Variants in ALMS1 observed in about 807,000 individuals in gnomAD.
ALMS1 encodes the protein centrosome-associated protein ALMS1.
In ALMS1, 271 loss-of-function variants were observed where a neutral mutation model predicts 352.2. That is an observed-to-expected ratio of 0.77 (90% CI 0.70 to 0.85). The LOEUF (loss-of-function observed/expected upper bound fraction) is 0.85, where lower values mean the gene tolerates loss of function less well. Among genes scored for constraint, ALMS1 ranks in the 40% least tolerant of loss-of-function variants. The pLI, the probability that ALMS1 is intolerant of heterozygous loss-of-function variation, is 0.00. For synonymous variants in ALMS1, 1,865 were observed against 1,761.2 expected, an observed-to-expected ratio of 1.06 and a Z score of -1.48; for missense variants, 5,445 against 4,870.7, an observed-to-expected ratio of 1.12 and a Z score of -3.51.
chr2:73,482,482 G>C (rs1479021334), intron 9 of ALMS1, among the ~76,000 whole-genome samples: 2 of 148,410 alleles, frequency 1.3e-5, no homozygotes, highest in Non-Finnish European at 3.1e-5. Context: ...CAGTTTGCCA[G>C]TATTTTATTG....
intron 10 of ALMS1, among the ~76,000 whole-genome samples, chr2:73,496,488 G>A (rs1469380044): frequency 6.6e-6 from 1 of 152,132 alleles, no homozygotes; most frequent in Non-Finnish European, 1.5e-5. Context: ...TTCACTCACT[G>A]AAGGATATTT....
chr2:73,545,265 C>A (rs572324208), intron 12 of ALMS1, among the ~76,000 whole-genome samples: 1 of 151,186 alleles, frequency 6.6e-6, no homozygotes. Flanking sequence ...ACTGCAGCCT[C>A]CGCCTCCCAG....
rs574374269 is a variant in ALMS1, at chr2:73,481,297, C to G, written c.7675-8337C>G. ...TCCAGTTTCAGCTTTCTACATATGG[C>G]TAGCCAGTTTTCCCAGCACCATTTA... On this transcript the variant is annotated intron_variant, in intron 9 of 22. Transcript: ENST00000613296. 8.9e-3 allele frequency among the ~76,000 whole-genome samples: 1,358 copies of G among 152,286 alleles called. 62 individuals are homozygous for G. The highest frequency in any genetic ancestry group is 0.082 in the Admixed American group (1,253 of 15,290).
chr2:73,538,360 C>T (rs780945627), intron 12 of ALMS1, among the ~76,000 whole-genome samples: 12 of 152,150 alleles, frequency 7.9e-5, no homozygotes, highest in Non-Finnish European at 1.6e-4. Context: ...TAAGATACCA[C>T]TTCACACCCA....
intron 7 of ALMS1, among the ~76,000 whole-genome samples, chr2:73,447,450 C>G (rs1671830090): frequency 6.6e-6 from 1 of 152,062 alleles, no homozygotes; most frequent in African/African-American, 2.4e-5. Context: ...CCTTCAAACT[C>G]ACTGCACGCA....
chr2:73,441,155 T>TG (rs1671711496), intron 7 of ALMS1, among the ~76,000 whole-genome samples: 1 of 152,210 alleles, frequency 6.6e-6, no homozygotes, highest in Non-Finnish European at 1.5e-5. Flanking sequence ...ATGGCATTCA[T>TG]GGGGGTAGAA....
chr2:73,491,802 G>A (rs1029521043), intron 10 of ALMS1, among the ~76,000 whole-genome samples: 7 of 152,210 alleles, frequency 4.6e-5, no homozygotes, highest in African/African-American at 1.7e-4. Flanking sequence ...TTTATTTACT[G>A]TGTTGGACAT....
intron 1 of ALMS1, among the ~76,000 whole-genome samples, chr2:73,389,695 T>C (rs536937710): frequency 3.7e-4 from 56 of 152,154 alleles, no homozygotes; most frequent in Non-Finnish European, 6.3e-4. Context: ...AACTATCTTT[T>C]TTTTCCCCCG....
chr2:73,557,199 CAAAT>C lies in ALMS1; in HGVS notation c.10079-20_10079-17del. On this transcript the variant is annotated splice_polypyrimidine_tract_variant and intron_variant, in intron 13 of 22. Transcript: ENST00000613296. Reference sequence around the variant, plus strand: ...TTTATTATCTTTCCTTTTCTGAAATCAAATGATGTCGTTATTCCAGATGCCTCAG... The same window carrying C: ...TTTATTATCTTTCCTTTTCTGAAATCGATGTCGTTATTCCAGATGCCTCAG... 6.2e-7 allele frequency: 1 copy of C among 1,613,810 alleles called. No individual in the cohort carries two copies. The highest frequency in any genetic ancestry group is 8.5e-7 in the Non-Finnish European group (1 of 1,179,876).
At chr2:73,416,367 A>G (rs996004250) in intron 2 of ALMS1, among the ~76,000 whole-genome samples, 1 of 152,262 alleles carries the variant, frequency 6.6e-6, no homozygotes, top group African/African-American at 2.4e-5. Flanking sequence ...TGGAATGTCA[A>G]AAGTCTGCTA....
rs1158955296 is a variant in ALMS1 at position 73,436,532 on chromosome 2, CT to C, written c.1432+4242del. Among the ~76,000 whole-genome samples, 4 of 152,168 alleles carry C rather than the reference CT, an allele frequency of 2.6e-5. No individual in the cohort carries two copies. In the East Asian group the frequency reaches 7.7e-4, roughly 29 times the overall value. The stretch of plus-strand genomic sequence containing the variant: ...TCACAGTCCACATATATCAGCACCC[CT>C]AATCTTGTCTCACTGGTCTCTAAGC... On this transcript the variant is annotated intron_variant, in intron 7 of 22. Coordinates refer to ENST00000613296, the MANE Select transcript of ALMS1 (RefSeq NM_001378454.1).
intron 3 of ALMS1, among the ~76,000 whole-genome samples, chr2:73,422,282 G>C (rs568449152): frequency 6.6e-6 from 1 of 152,112 alleles, no homozygotes; most frequent in South Asian, 2.1e-4. Flanking sequence ...CATATATTCT[G>C]TAGCTTCTGG....
chr2:73,581,574 T>C (rs184454898), intron 16 of ALMS1, among the ~76,000 whole-genome samples: 2 of 152,340 alleles, frequency 1.3e-5, no homozygotes, highest in East Asian at 1.9e-4. Flanking sequence ...AACCTTTGAC[T>C]ATCTTCCAAA....
chr2:73,489,503 T>G (rs1462113330), intron 9 of ALMS1, 131 bp from the exon 10 acceptor site: 2 of 1,040,860 alleles, frequency 1.9e-6, no homozygotes, highest in African/African-American at 3.2e-5. Flanking sequence ...TGTCCTGTTA[T>G]ATTATAAAAG....
In ALMS1 at chr2:73,463,593, AC is replaced by A. The variant is rs1672257027; in HGVS notation, c.7674+8299del. Among the ~76,000 whole-genome samples the A allele has an allele frequency of 5.4e-5, 7 of 128,522 alleles. No individual in the cohort carries two copies. In the South Asian group the frequency reaches 2.0e-3, roughly 37 times the overall value. The allele number at this position is 128,522 out of a possible 152,430, so 84.3% of individuals were successfully genotyped here. ...AAAAGCTAGCAGAAGGCAAGAAATA[AC>A]TAAAATCAGAGCAGAACTGAAGGAA... On this transcript the variant is annotated intron_variant, in intron 9 of 22. Transcript: ENST00000613296.
intron 1 of ALMS1, among the ~76,000 whole-genome samples, chr2:73,401,422 TCTTA>T (rs1254329251): frequency 9.2e-5 from 14 of 152,312 alleles, no homozygotes. Context: ...TAAGTTGTAT[TCTTA>T]CTTTCATTTA....
chr2:73,537,699 G>T (rs936022895), intron 12 of ALMS1, among the ~76,000 whole-genome samples: 1 of 152,128 alleles, frequency 6.6e-6, no homozygotes, highest in Non-Finnish European at 1.5e-5. Context: ...TTCCAGAGTT[G>T]GCGCATTGTA....
In ALMS1 at chr2:73,550,394, A is replaced by T. The variant is rs749509826; in HGVS notation, c.10035A>T (p.Ala3345=). The change falls in exon 13 of 23, where the codon GCA becomes GCT. Residue 3345 remains alanine, a synonymous_variant. Coordinates refer to ENST00000613296, the MANE Select transcript of ALMS1 (RefSeq NM_001378454.1). ...ACAGTAAGAGGGTAGTGACTAAGGC[A>T]TCCTTGCCAGTGGGAGAAAAACCCT... is the stretch of plus-strand genomic sequence containing the variant. The part of the protein sequence containing the change: ...GIYSKRVVTK[A]SLPVGEKPLQ... 6.2e-7 allele frequency: 1 copy of T among 1,614,210 alleles called. No individual in the cohort carries two copies. The highest frequency in any genetic ancestry group is 8.5e-7 in the Non-Finnish European group (1 of 1,180,030).
chr2:73,498,333 T>C (rs1441759314), intron 10 of ALMS1, among the ~76,000 whole-genome samples: 1 of 152,112 alleles, frequency 6.6e-6, no homozygotes, highest in African/African-American at 2.4e-5. Flanking sequence ...AGATGTTTGA[T>C]ACAAGCATGC....
Sources: allele counts gnomAD v4.1 joint callset (sites outside exome capture counted in the v4.1 genomes callset), GRCh38; gene constraint gnomAD v4.1.1; transcripts MANE v1.5; gene names NCBI Gene and HGNC (gene_info 2026-07-23, HGNC 2026-07-21).